TUSC3: variants seen among roughly 807,000 people sequenced by gnomAD.
TUSC3 encodes dolichyl-diphosphooligosaccharide--protein glycosyltransferase subunit TUSC3.
A neutral mutation model predicts 44.8 loss-of-function variants in TUSC3; 45 were observed. The ratio of observed to expected loss-of-function variants is 1.00; its 90% CI spans 0.79 to 1.29. The LOEUF (loss-of-function observed/expected upper bound fraction) is 1.29, where lower values mean the gene tolerates loss of function less well. Among genes scored for constraint, TUSC3 ranks in the 50% most tolerant of loss-of-function variants. The probability of loss-of-function intolerance (pLI) is 0.00; values close to 1 mark genes in which losing one functional copy is unlikely to be tolerated. For synonymous variants in TUSC3, 212 were observed against 152.9 expected (o/e 1.39, Z -2.85); for missense variants, 519 against 437.9 (o/e 1.19, Z -1.65).
chr8:15,428,855 A>G (rs976660691), intron 1 of TUSC3, among the ~76,000 whole-genome samples: 7 of 152,112 alleles, frequency 4.6e-5, no homozygotes, highest in Admixed American at 4.6e-4. Context: ...AGTTCATTGT[A>G]GATTCTGGAT....
At chr8:15,612,193 G>A (rs1248362015) in intron 1 of TUSC3, among the ~76,000 whole-genome samples, 8 of 152,112 alleles carry the variant, frequency 5.3e-5, no homozygotes, top group Non-Finnish European at 1.0e-4. Flanking sequence ...TCAGATAGCA[G>A]GTACCTGAAT....
chr8:15,656,027 A>G (rs946934954), intron 3 of TUSC3, among the ~76,000 whole-genome samples: 4 of 152,164 alleles, frequency 2.6e-5, no homozygotes, highest in African/African-American at 7.2e-5. Flanking sequence ...TTGTTCTGCT[A>G]CAACAGAATA....
At chr8:15,515,651 A>T (rs902964891) in intron 2 of TUSC3, among the ~76,000 whole-genome samples, 5 of 151,672 alleles carry the variant, frequency 3.3e-5, no homozygotes, top group East Asian at 1.9e-4. Context: ...TATGATACAA[A>T]ATATATATAT....
At chr8:15,470,429 CT>C (rs1800474974) in intron 1 of TUSC3, among the ~76,000 whole-genome samples, 1 of 151,972 alleles carries the variant, frequency 6.6e-6, no homozygotes, top group Admixed American at 6.6e-5. Context: ...TAATGTAACC[CT>C]AATATAAATT....
intron 1 of TUSC3, among the ~76,000 whole-genome samples, chr8:15,566,223 C>T (rs1043633465): frequency 6.6e-6 from 1 of 152,080 alleles, no homozygotes; most frequent in Non-Finnish European, 1.5e-5. Context: ...TAGACTAAAA[C>T]ATAGAATTCA....
chr8:15,815,323 G>A, the TUSC3 span, among the ~76,000 whole-genome samples: 1 of 152,176 alleles, frequency 6.6e-6, no homozygotes, highest in East Asian at 1.9e-4. Context: ...TTGGGGGGCA[G>A]GATAGGGAAA....
chr8:15,611,511 A>G lies in TUSC3; in HGVS notation c.139-11569A>G, dbSNP rs539521530. Among the ~76,000 whole-genome samples, 188 of 152,254 alleles carry G rather than the reference A, an allele frequency of 1.2e-3. 1 individual carries two copies. Among genetic ancestry groups the G allele is most frequent in the Non-Finnish European group, 2.4e-3 (162 of 68,032 alleles). ...TACCTTTTTGCTTTTGAATGTAATG[A>G]TAATTGTTTTCTGATGGATTGCTGA... On this transcript the variant is annotated intron_variant, in intron 1 of 10. Transcript: ENST00000503731.
intron 1 of TUSC3, among the ~76,000 whole-genome samples, chr8:15,604,875 A>G (rs991651827): frequency 6.6e-6 from 1 of 151,784 alleles, no homozygotes; most frequent in African/African-American, 2.4e-5. Context: ...AAATGGTTTT[A>G]TTTGTTGGGC....
chr8:15,570,365 T>A (rs1802830044), intron 1 of TUSC3, among the ~76,000 whole-genome samples: 1 of 151,920 alleles, frequency 6.6e-6, no homozygotes, highest in South Asian at 2.1e-4. Context: ...TGCTGGAAAT[T>A]GGTTGAAAGA....
At chr8:15,633,275 G>A (rs779391049) in intron 2 of TUSC3, among the ~76,000 whole-genome samples, 6 of 152,110 alleles carry the variant, frequency 3.9e-5, no homozygotes, top group Admixed American at 2.0e-4. Context: ...CAAAGAAGTC[G>A]TCTAGGGTAG....
intron 2 of TUSC3, among the ~76,000 whole-genome samples, chr8:15,490,550 G>A (rs912904689): frequency 6.6e-6 from 1 of 152,158 alleles, no homozygotes; most frequent in Non-Finnish European, 1.5e-5. Flanking sequence ...AAGGAGAACA[G>A]CAGAGAGGGG....
At chr8:15,783,880 T>C in the TUSC3 span, among the ~76,000 whole-genome samples, 9 of 152,148 alleles carry the variant, frequency 5.9e-5, no homozygotes, top group Admixed American at 2.0e-4. Flanking sequence ...CAAAATCTTC[T>C]GCATAGCAAA....
At chr8:15,779,120 C>T in the TUSC3 span, among the ~76,000 whole-genome samples, 2 of 47,932 alleles carry the variant, frequency 4.2e-5, no homozygotes, top group African/African-American at 2.0e-4. Flanking sequence ...TTTTTTTTTC[C>T]ACGTTACTTC....
intron 2 of TUSC3, among the ~76,000 whole-genome samples, chr8:15,512,597 AC>A (rs2129128318): frequency 6.6e-6 from 1 of 152,000 alleles, no homozygotes; most frequent in South Asian, 2.1e-4. Flanking sequence ...ACATGGGAAA[AC>A]CCCGTCTCTA....
intron 1 of TUSC3, among the ~76,000 whole-genome samples, chr8:15,606,289 A>G (rs926608114): frequency 2.6e-5 from 4 of 152,084 alleles, no homozygotes; most frequent in Admixed American, 1.3e-4. Context: ...ATTTTGTCCT[A>G]TGATTTCTAA....
chr8:15,638,515 CTTTTTTTTTTTTTTTTTTT>C (rs547743726), intron 2 of TUSC3, among the ~76,000 whole-genome samples: 1 of 81,108 alleles, frequency 1.2e-5, no homozygotes, highest in African/African-American at 5.1e-5. Flanking sequence ...TTCTTTTTTT[CTTTTTTTTTTTTTTTTTTT>C]TTTTTGGAGA....
chr8:15,458,119 G>C (rs971761433), intron 1 of TUSC3, among the ~76,000 whole-genome samples: 1 of 152,048 alleles, frequency 6.6e-6, no homozygotes. Flanking sequence ...AGGAATTTAG[G>C]ATGATGGTTA....
At chr8:15,748,295 G>T in intron 8 of TUSC3, 80 bp from the exon 9 acceptor site, 1 of 1,041,034 alleles carries the variant, frequency 9.6e-7, no homozygotes, top group East Asian at 2.4e-5. Flanking sequence ...TACTGTAATT[G>T]AATGCATTTA....
chr8:15,808,937 T>A, the TUSC3 span, among the ~76,000 whole-genome samples: 107,911 of 151,740 alleles, frequency 0.71, 38,568 homozygotes, highest in Non-Finnish European at 0.76. Context: ...GATATATATA[T>A]AATTATAGCT....
Sources: allele counts gnomAD v4.1 joint callset (sites outside exome capture counted in the v4.1 genomes callset), GRCh38; gene constraint gnomAD v4.1.1; transcripts MANE v1.5; gene names NCBI Gene and HGNC (gene_info 2026-07-23, HGNC 2026-07-21).